FHIT: variants seen among roughly 807,000 people sequenced by gnomAD.
The protein encoded by FHIT is bis(5'-adenosyl)-triphosphatase.
A neutral mutation model predicts 17.9 loss-of-function variants in FHIT; 19 were observed. The observed-to-expected ratio is 1.06, with a 90% CI of 0.74 to 1.56. The LOEUF is 1.56. Among genes scored for constraint, FHIT ranks in the 40% most tolerant of loss-of-function variants. The pLI is 0.00. For synonymous variants in FHIT, 81 were observed against 69.7 expected (o/e 1.16, Z -0.81); for missense variants, 248 against 189.2 (o/e 1.31, Z -1.82).
At chr3:60,300,760 G>A (rs963069924) in intron 5 of FHIT, among the ~76,000 whole-genome samples, 4 of 152,010 alleles carry the variant, frequency 2.6e-5, no homozygotes, top group Admixed American at 2.6e-4. Flanking sequence ...TGATCCATGT[G>A]CACAAACTAG....
At chr3:60,916,437 C>T (rs1707007441) in intron 3 of FHIT, among the ~76,000 whole-genome samples, 1 of 152,188 alleles carries the variant, frequency 6.6e-6, no homozygotes, top group African/African-American at 2.4e-5. Flanking sequence ...CATCATTTTT[C>T]TGCCAACTGA....
intron 8 of FHIT, among the ~76,000 whole-genome samples, chr3:59,917,569 C>G (rs1705192397): frequency 6.6e-6 from 1 of 152,100 alleles, no homozygotes; most frequent in Admixed American, 6.5e-5. Flanking sequence ...TCAGGGAAGG[C>G]TTGGCATAAT....
At chr3:59,844,972 T>A (rs572909752) in intron 8 of FHIT, among the ~76,000 whole-genome samples, 2 of 152,202 alleles carry the variant, frequency 1.3e-5, no homozygotes, top group African/African-American at 4.8e-5. Flanking sequence ...TTTAATCTCC[T>A]TACTAGTTTT....
intron 5 of FHIT, among the ~76,000 whole-genome samples, chr3:60,373,577 AGGT>A (rs1322766343): frequency 2.0e-4 from 31 of 152,124 alleles, no homozygotes; most frequent in African/African-American, 7.5e-4. Context: ...GGACATGATC[AGGT>A]TGAGTGTATA....
intron 3 of FHIT, among the ~76,000 whole-genome samples, chr3:60,945,475 C>CAA (rs1553775552): frequency 5.3e-5 from 8 of 152,180 alleles, no homozygotes; most frequent in African/African-American, 1.9e-4. Context: ...TCACTGCAAC[C>CAA]TCTGCCTCCT....
chr3:59,955,154 T>C (rs962495514), intron 7 of FHIT, among the ~76,000 whole-genome samples: 2 of 152,182 alleles, frequency 1.3e-5, no homozygotes, highest in East Asian at 1.9e-4. Flanking sequence ...AGTGAGATCA[T>C]GTACAAAAAC....
intron 3 of FHIT, among the ~76,000 whole-genome samples, chr3:61,024,038 C>A (rs1167193923): frequency 6.6e-6 from 1 of 151,892 alleles, no homozygotes; most frequent in Non-Finnish European, 1.5e-5. Flanking sequence ...TCATGTTGGA[C>A]AGTATTATAA....
intron 4 of FHIT, among the ~76,000 whole-genome samples, chr3:60,719,135 T>C (rs1196354710): frequency 1.3e-5 from 2 of 152,290 alleles, no homozygotes; most frequent in South Asian, 2.1e-4. Context: ...AGAAAGATGA[T>C]GCTTATTAGT....
At chr3:60,023,084 C>T (rs567527697) in intron 5 of FHIT, among the ~76,000 whole-genome samples, 19 of 152,244 alleles carry the variant, frequency 1.2e-4, no homozygotes, top group Admixed American at 3.9e-4. Flanking sequence ...TGTAAAAATG[C>T]TCTTAGGAGT....
rs78363869 is a variant in FHIT, at chr3:60,831,565, G to A, written c.-110-9554C>T. 2.4e-3 allele frequency among the ~76,000 whole-genome samples: 358 copies of A among 151,808 alleles called. 12 individuals are homozygous for A. The East Asian group carries it at 0.056, about 24-fold the overall frequency. ...TGAATAAAAAGACCTGCCAGAGTTC[G>A]GGTTGTACCTCTGCCACCAGCTTCA... On this transcript the variant is annotated intron_variant, in intron 3 of 9. Coordinates refer to ENST00000492590, the MANE Select transcript of FHIT (RefSeq NM_002012.4).
chr3:60,116,094 C>T (rs7634619), intron 5 of FHIT, among the ~76,000 whole-genome samples: 76,132 of 151,796 alleles, frequency 0.5, 19,736 homozygotes, highest in African/African-American at 0.6. Context: ...AATCTGTTAG[C>T]GTTAACTATA....
chr3:60,122,449 G>C (rs190848143), intron 5 of FHIT, among the ~76,000 whole-genome samples: 1 of 152,142 alleles, frequency 6.6e-6, no homozygotes, highest in Non-Finnish European at 1.5e-5. Flanking sequence ...CAGGATACAT[G>C]AATCCATGAG....
intron 3 of FHIT, among the ~76,000 whole-genome samples, chr3:61,033,053 C>T (rs77379378): frequency 7.2e-4 from 109 of 152,360 alleles, no homozygotes; most frequent in African/African-American, 2.5e-3. Context: ...GTTCTATTCA[C>T]GTCCTCAAGA....
intron 3 of FHIT, among the ~76,000 whole-genome samples, chr3:60,955,790 C>A (rs1331693102): frequency 6.6e-6 from 1 of 151,770 alleles, no homozygotes; most frequent in East Asian, 1.9e-4. Context: ...GGTACAAAAA[C>A]ACTTCAGTAG....
At chr3:60,909,126 T>C (rs1245569517) in intron 3 of FHIT, among the ~76,000 whole-genome samples, 2 of 152,018 alleles carry the variant, frequency 1.3e-5, no homozygotes, top group African/African-American at 4.8e-5. Flanking sequence ...ATCCCAGCAC[T>C]TTGGGAGGCT....
At chr3:60,165,366 G>A (rs552727977) in intron 5 of FHIT, among the ~76,000 whole-genome samples, 6 of 152,320 alleles carry the variant, frequency 3.9e-5, no homozygotes, top group African/African-American at 7.2e-5. Context: ...CAGCGCAACT[G>A]TCATTTGGAA....
At chr3:60,809,967 A>G (rs1362272205) in intron 4 of FHIT, among the ~76,000 whole-genome samples, 1 of 152,192 alleles carries the variant, frequency 6.6e-6, no homozygotes, top group Admixed American at 6.5e-5. Context: ...AAACAAATTG[A>G]GAAACCCTAC....
intron 5 of FHIT, among the ~76,000 whole-genome samples, chr3:60,459,959 C>T (rs1382680020): frequency 6.6e-6 from 1 of 152,132 alleles, no homozygotes; most frequent in Non-Finnish European, 1.5e-5. Flanking sequence ...TATATGCCCA[C>T]CAGACAAGAT....
chr3:60,454,491 TCTC>T (rs2031959907), intron 5 of FHIT, among the ~76,000 whole-genome samples: 1 of 151,758 alleles, frequency 6.6e-6, no homozygotes, highest in Non-Finnish European at 1.5e-5. Context: ...TTCAAGCAAT[TCTC>T]CTGCCTCAGC....
Sources: gnomAD v4.1 joint callset for allele counts (sites outside exome capture counted in the v4.1 genomes callset) on GRCh38, gnomAD v4.1.1 for gene constraint, MANE v1.5 for transcripts, NCBI Gene and HGNC (gene_info 2026-07-23, HGNC 2026-07-21) for gene names.